Variants in NEXMIF observed in about 807,000 individuals in gnomAD.
NEXMIF encodes XLMR protein related to neurite extension.
Under a neutral mutation model 62.1 loss-of-function variants are expected in NEXMIF, and 8 were observed. That is an observed-to-expected ratio of 0.13 (90% CI 0.08 to 0.23). The LOEUF is 0.23. Ranked by LOEUF, NEXMIF falls within the 10% of genes least tolerant of loss-of-function variation. The pLI is 1.00. For missense variants in NEXMIF, 976 were observed against 1,113.3 expected, an observed-to-expected ratio of 0.88 and a Z score of 1.75; for synonymous variants, 404 against 416.6, an observed-to-expected ratio of 0.97 and a Z score of 0.37.
rs770717702 is a variant in NEXMIF, at chrX:74,799,353, G to A, written c.-47-53656C>T. On this transcript the variant is annotated intron_variant, in intron 1 of 3. Transcript: ENST00000055682. ...CATTCTCAACTACAAGATCTTATTA[G>A]AATAGGGAGCTTATGATCCCAATTT... Among the ~76,000 whole-genome samples the A allele has an allele frequency of 3.6e-5, 4 of 111,449 alleles. No individual in the cohort carries two copies. The Admixed American group carries it at 3.8e-4, about 11-fold the overall frequency.
chrX:74,896,385 A>G (rs2080733034), intron 1 of NEXMIF, among the ~76,000 whole-genome samples: 1 of 112,104 alleles, frequency 8.9e-6, no homozygotes, highest in African/African-American at 3.2e-5. Flanking sequence ...AATGCCACAG[A>G]TATCTGACTG....
In NEXMIF at chrX:74,741,559, A is replaced by G; in HGVS notation, c.2998T>C (p.Ser1000Pro). ...GAGCAATAATTACTTGAGCTGACAG[A>G]GAGTGGGGCCATTGAATCAAAGCTA... is the stretch of plus-strand genomic sequence containing the variant. ...LFSFDSMAPL[S>P]VSSSNYCSLS... Residue 1000 changes from serine (S) to proline (P), a missense_variant, in exon 3 of 4, where the codon TCT becomes CCT. Physicochemically the swap from Ser to Pro is moderately conservative, Grantham distance 74. Around this residue, in one of 5 missense-constraint regions of NEXMIF, gnomAD observed 639 missense variants for 694.5 expected, o/e 0.92. Transcript: ENST00000055682. 1 of 1,211,870 alleles carries G rather than the reference A, an allele frequency of 8.3e-7. No homozygotes were observed. Among genetic ancestry groups the G allele is most frequent in the East Asian group, 3.0e-5 (1 of 33,846 alleles).
intron 1 of NEXMIF, among the ~76,000 whole-genome samples, chrX:74,793,074 T>C (rs1476025593): frequency 1.8e-5 from 2 of 110,626 alleles, no homozygotes; most frequent in African/African-American, 6.6e-5. Context: ...CTAGTCTTGA[T>C]GGTCTTTACA....
At chrX:74,791,818 G>A (rs2080284409) in intron 1 of NEXMIF, among the ~76,000 whole-genome samples, 1 of 110,530 alleles carries the variant, frequency 9.0e-6, no homozygotes, top group Non-Finnish European at 1.9e-5. Context: ...GGGATCAGTG[G>A]TGATATCCCC....
chrX:74,839,867 A>G (rs778431125), intron 1 of NEXMIF, among the ~76,000 whole-genome samples: 1 of 111,961 alleles, frequency 8.9e-6, no homozygotes, highest in East Asian at 2.8e-4. Context: ...TAGTGCTGCA[A>G]TGAACATTCA....
rs1277090958 is a variant in NEXMIF at position 74,874,173 on chromosome X, G to C, written c.-48+50710C>G. Among the ~76,000 whole-genome samples, 339 of 109,340 alleles carry C rather than the reference G, an allele frequency of 3.1e-3. 2 individuals carry two copies. The highest frequency in any genetic ancestry group is 0.011 in the African/African-American group (322 of 30,084). The allele number at this position is 109,340 out of a possible 115,157, so 94.9% of individuals were successfully genotyped here. On this transcript the variant is annotated intron_variant, in intron 1 of 3. Transcript: ENST00000055682. ...CCATCTTGAATTGATTTTTGTATAA[G>C]GTGTAAGGAAGGGATCCAGTTTCAG...
chrX:74,796,149 A>T lies in NEXMIF; in HGVS notation c.-47-50452T>A, dbSNP rs1159534399. On this transcript the variant is annotated intron_variant, in intron 1 of 3. Transcript: ENST00000055682. The stretch of plus-strand genomic sequence containing the variant: ...TTTATATATAATATATATATTATAT[A>T]TATACATATATATTATATATATTAT... 1.1e-3 allele frequency among the ~76,000 whole-genome samples: 84 copies of T among 75,425 alleles called. 1 individual carries two copies. Among genetic ancestry groups the T allele is most frequent in the African/African-American group, 4.0e-3 (77 of 19,061 alleles). The allele number at this position is 75,425 out of a possible 115,157, so 65.5% of individuals were successfully genotyped here.
chrX:74,878,553 C>G (rs762829314), intron 1 of NEXMIF, among the ~76,000 whole-genome samples: 2 of 112,828 alleles, frequency 1.8e-5, no homozygotes, highest in South Asian at 7.3e-4. Flanking sequence ...TTTACCTAAG[C>G]AAGCCTGGGC....
At chrX:74,871,254 T>C (rs200828709) in intron 1 of NEXMIF, among the ~76,000 whole-genome samples, 1 of 111,321 alleles carries the variant, frequency 9.0e-6, no homozygotes, top group Non-Finnish European at 1.9e-5. Flanking sequence ...GGTAGGACCA[T>C]GATGGTGACC....
At chrX:74,774,159 T>C (rs2080221658) in intron 1 of NEXMIF, among the ~76,000 whole-genome samples, 1 of 111,337 alleles carries the variant, frequency 9.0e-6, no homozygotes, top group African/African-American at 3.3e-5. Flanking sequence ...GTGAATATGG[T>C]AACAGGATTA....
At chrX:74,850,831 C>A (rs2080510605) in intron 1 of NEXMIF, among the ~76,000 whole-genome samples, 1 of 109,685 alleles carries the variant, frequency 9.1e-6, no homozygotes, top group African/African-American at 3.3e-5. Context: ...AAATATGACA[C>A]CTCCAAATAA....
chrX:74,881,967 A>G (rs1050759042), intron 1 of NEXMIF, among the ~76,000 whole-genome samples: 1 of 111,498 alleles, frequency 9.0e-6, no homozygotes, highest in African/African-American at 3.3e-5. Flanking sequence ...ATTTCAACAT[A>G]GTCTCCCATG....
At chrX:74,770,157 T>A (rs913682224) in intron 1 of NEXMIF, among the ~76,000 whole-genome samples, 2 of 112,308 alleles carry the variant, frequency 1.8e-5, no homozygotes, top group African/African-American at 6.5e-5. Context: ...TTGTATGACC[T>A]TTTCTGGCTA....
intron 1 of NEXMIF, among the ~76,000 whole-genome samples, chrX:74,751,671 TTCCC>T (rs1409283454): frequency 8.6e-4 from 77 of 89,592 alleles, no homozygotes; most frequent in African/African-American, 1.7e-3. Flanking sequence ...CCTTCCTTCC[TTCCC>T]TCCCTCCCTC....
chrX:74,875,827 G>T (rs2080629372), intron 1 of NEXMIF, among the ~76,000 whole-genome samples: 1 of 111,375 alleles, frequency 9.0e-6, no homozygotes, highest in Non-Finnish European at 1.9e-5. Flanking sequence ...ATTTCTGTGG[G>T]ATCGGTGGTG....
chrX:74,789,207 G>C (rs1193557048), intron 1 of NEXMIF, among the ~76,000 whole-genome samples: 6 of 100,052 alleles, frequency 6.0e-5, no homozygotes, highest in South Asian at 5.0e-4. Context: ...TCCCACCTAT[G>C]AGTGAGAATA....
At chrX:74,827,865 C>A (rs984128386) in intron 1 of NEXMIF, among the ~76,000 whole-genome samples, 2 of 111,925 alleles carry the variant, frequency 1.8e-5, no homozygotes, top group Non-Finnish European at 3.8e-5. Flanking sequence ...CCCACCCCAT[C>A]CCTGTGAGAA....
intron 1 of NEXMIF, among the ~76,000 whole-genome samples, chrX:74,923,720 T>C (rs761816529): frequency 1.8e-5 from 2 of 111,756 alleles, no homozygotes; most frequent in Non-Finnish European, 3.8e-5. Flanking sequence ...AAGGATATAT[T>C]CAAATCCCGG....
chrX:74,774,515 G>A (rs998324586), intron 1 of NEXMIF, among the ~76,000 whole-genome samples: 1 of 111,907 alleles, frequency 8.9e-6, no homozygotes, highest in South Asian at 3.7e-4. Context: ...TAAATATTCT[G>A]TGGATCATGC....
Sources: gnomAD v4.1 joint callset for allele counts (sites outside exome capture counted in the v4.1 genomes callset) on GRCh38, gnomAD v4.1.1 for gene constraint, gnomAD v4.1.1 regional missense constraint, MANE v1.5 for transcripts, NCBI Gene and HGNC (gene_info 2026-07-23, HGNC 2026-07-21) for gene names.